The following PTPA variants were observed in gnomAD, a reference collection of about 807,000 sequenced individuals.
The protein encoded by PTPA is serine/threonine-protein phosphatase 2A activator.
A neutral mutation model predicts 43.6 loss-of-function variants in PTPA; 13 were observed. The observed-to-expected ratio is 0.30, with a 90% confidence interval of 0.19 to 0.47. The LOEUF is 0.47. Ranked by LOEUF, PTPA falls within the 20% of genes least tolerant of loss-of-function variation. PTPA has a pLI of 0.99. For synonymous variants in PTPA, 172 were observed against 158.2 expected, an observed-to-expected ratio of 1.09 and a Z score of -0.66; for missense variants, 329 against 411.9, an observed-to-expected ratio of 0.80 and a Z score of 1.74.
intron 9 of PTPA, among the ~76,000 whole-genome samples, chr9:129,146,805 CG>C (rs1443902718): frequency 3.3e-5 from 5 of 152,208 alleles, no homozygotes; most frequent in East Asian, 3.9e-4. Context: ...GGGCCTCCCC[CG>C]TGCTCAGCCA....
At chr9:129,115,432 C>T (rs1441620558) in intron 1 of PTPA, among the ~76,000 whole-genome samples, 1 of 152,094 alleles carries the variant, frequency 6.6e-6, no homozygotes, top group Non-Finnish European at 1.5e-5. Flanking sequence ...CTCCAAGTCC[C>T]CTGGCACTTT....
chr9:129,142,688 C>T (rs1278889462), intron 9 of PTPA, 136 bp downstream of exon 9: 2 of 1,546,322 alleles, frequency 1.3e-6, no homozygotes, highest in Non-Finnish European at 1.7e-6. Context: ...TAGGCCAGCC[C>T]CTCTGACACT....
chr9:129,137,354 G>T (rs1157494654), intron 7 of PTPA, among the ~76,000 whole-genome samples: 5 of 152,250 alleles, frequency 3.3e-5, no homozygotes, highest in African/African-American at 1.2e-4. Context: ...CTTGTCCCCA[G>T]TGTCCAGGTG....
chr9:129,135,413 CATA>C (rs958211867), intron 6 of PTPA, among the ~76,000 whole-genome samples: 30 of 152,192 alleles, frequency 2.0e-4, no homozygotes, highest in African/African-American at 6.3e-4. Flanking sequence ...AGAATTGTCA[CATA>C]ATGTCTGCCA....
chr9:129,144,607 C>T (rs1007445980), intron 9 of PTPA, among the ~76,000 whole-genome samples: 1 of 151,560 alleles, frequency 6.6e-6, no homozygotes, highest in Non-Finnish European at 1.5e-5. Context: ...GGCGTGGTGG[C>T]GGGTGCCTGT....
Position 129,147,815 on chromosome 9 carries a change from CA to C in PTPA, c.*352del. On this transcript the variant is annotated 3_prime_UTR_variant, in exon 10 of 10. Transcript: ENST00000393370. ...GAGCAGGGGCTGTTCTGCAGCACCG[CA>C]GGGAAGGGAGGAGAGATACCTGCTG... The C allele has an allele frequency of 3.7e-6, 1 of 269,116 alleles. No individual in the cohort carries two copies. The highest frequency in any genetic ancestry group is 7.3e-6 in the Non-Finnish European group (1 of 137,018). 16.7% of individuals were successfully genotyped at this position (269,116 alleles called of 1,614,324 possible).
intron 3 of PTPA, 47 bp downstream of exon 3, chr9:129,123,185 CCA>C: frequency 6.6e-7 from 1 of 1,507,306 alleles, no homozygotes; most frequent in Non-Finnish European, 9.2e-7. Context: ...AAAAATAGCT[CCA>C]GAGTCACTGG....
chr9:129,120,464 A>G (rs1156262795), intron 1 of PTPA, 49 bp from the exon 2 acceptor site: 2 of 1,167,786 alleles, frequency 1.7e-6, no homozygotes, highest in South Asian at 1.3e-5. Context: ...TGTGTGTTGT[A>G]GGGGAGGATT....
chr9:129,132,129 A>AGGGACCTGGACTTTGAGG (rs1850018993), intron 5 of PTPA, among the ~76,000 whole-genome samples: 1 of 151,972 alleles, frequency 6.6e-6, no homozygotes, highest in South Asian at 2.1e-4. Context: ...ATGTAAGCCA[A>AGGGACCTGGACTTTGAGG]GGGACCTGGA....
chr9:129,123,467 G>C lies in PTPA; in HGVS notation c.216+329G>C, dbSNP rs1849389325. 1.4e-5 allele frequency among the ~76,000 whole-genome samples: 2 copies of C among 144,092 alleles called. 1 individual carries two copies. The highest frequency in any genetic ancestry group is 4.2e-4 in the South Asian group (2 of 4,752). The allele number at this position is 144,092 out of a possible 152,430, so 94.5% of individuals were successfully genotyped here. A position where few individuals can be genotyped will look rare whatever the true frequency, so the allele number is the denominator to read the frequency against. On this transcript the variant is annotated intron_variant, in intron 3 of 9. Transcript: ENST00000393370. ...AGCCTGGGCGACAGAGCGAGACTCT[G>C]TCTCAAAAAAAAAAAATAGCTCCAG... is the stretch of plus-strand genomic sequence containing the variant.
upstream of PTPA, chr9:129,111,115 C>T (rs1013008513): frequency 4.5e-6 from 6 of 1,330,068 alleles, no homozygotes; most frequent in African/African-American, 1.5e-5. Flanking sequence ...CCATGTTGAC[C>T]GGGGAATGTC....
intron 5 of PTPA, among the ~76,000 whole-genome samples, chr9:129,133,957 AT>A (rs1333802112): frequency 1.3e-5 from 2 of 152,146 alleles, no homozygotes; most frequent in Non-Finnish European, 2.9e-5. Flanking sequence ...CATCTTTCAG[AT>A]TTCAGATTAG....
At position 129,134,862 on chromosome 9, in the gene PTPA, C is replaced by T. The variant is rs1397480004; in HGVS notation, c.528C>T (p.Asp176=). 22 of 1,613,758 alleles carry T rather than the reference C, an allele frequency of 1.4e-5. No individual in the cohort carries two copies. Among genetic ancestry groups the T allele is most frequent in the Non-Finnish European group, 1.8e-5 (21 of 1,180,002 alleles). The change falls in exon 6 of 10, where the codon GAC becomes GAT. Residue 176 remains aspartate (D), a synonymous_variant. Coordinates refer to ENST00000393370, the MANE Select transcript of PTPA (RefSeq NM_178000.3). ...AGATTGGGGTGCTCCGGGTGGATGA[C>T]CAAATAGCTATTGTCTTCAAGGTGT... ...LCKIGVLRVD[D]QIAIVFKVFN...
At chr9:129,137,948 G>C in intron 8 of PTPA, 1 of 489,644 alleles carries the variant, frequency 2.0e-6, no homozygotes, top group Non-Finnish European at 3.8e-6. Context: ...TCTAAGACTT[G>C]GTCACTAACT....
chr9:129,138,308 T>C (rs886748158), intron 8 of PTPA, among the ~76,000 whole-genome samples: 1 of 152,196 alleles, frequency 6.6e-6, no homozygotes, highest in Non-Finnish European at 1.5e-5. Flanking sequence ...CAGTGGGCCC[T>C]GGACCACTTG....
chr9:129,134,840 T>C lies in PTPA; in HGVS notation c.506T>C (p.Ile169Thr), dbSNP rs367853259. Residue 169 changes from isoleucine to threonine, a missense_variant, in exon 6 of 10, where the codon ATT becomes ACT. Ile to Thr is a moderately conservative substitution (Grantham distance 89, BLOSUM62 -1). Coordinates refer to ENST00000393370, the MANE Select transcript of PTPA (RefSeq NM_178000.3). ...GCTTTCCTCTGCTGTCTCTGCAAGA[T>C]TGGGGTGCTCCGGGTGGATGACCAA... ...FAAFLCCLCK[I>T]GVLRVDDQIA... 2 of 1,614,022 alleles carry C rather than the reference T, an allele frequency of 1.2e-6. No homozygotes were observed. Among genetic ancestry groups the C allele is most frequent in the African/African-American group, 1.3e-5 (1 of 74,922 alleles).
rs200340392 is a variant in PTPA, at chr9:129,129,094, A to G, written c.326A>G (p.Tyr109Cys). The change falls in exon 4 of 10, where the codon TAT (tyrosine) becomes TGT (cysteine). Residue 109 changes from tyrosine (Y) to cysteine (C), a missense_variant. Physicochemically the swap from Tyr to Cys is radical, Grantham distance 194. Transcript: ENST00000393370. Reference sequence around the variant, plus strand: ...GGGAATAAGGCATACAGGACCTGGTATGCCAAACTTGATGAGGTGAGGCTG... The same window carrying G: ...GGGAATAAGGCATACAGGACCTGGTGTGCCAAACTTGATGAGGTGAGGCTG... Reference protein sequence around the residue: ...RFGNKAYRTWYAKLDEEAENL... With the variant: ...RFGNKAYRTWCAKLDEEAENL... The G allele has an allele frequency of 3.1e-4, 506 of 1,612,380 alleles. 5 individuals carry two copies. Among genetic ancestry groups the G allele is most frequent in the Middle Eastern group, 2.2e-3 (10 of 4,606 alleles).
At chr9:129,120,366 T>C (rs1162960637) in intron 1 of PTPA, 147 bp from the exon 2 acceptor site, 28 of 581,946 alleles carry the variant, frequency 4.8e-5, no homozygotes, top group African/African-American at 5.8e-5. Context: ...GGAGGTTGCA[T>C]TGAGCCAAGA....
Position 129,130,465 on chromosome 9 carries a change from C to T in PTPA, c.343-1057C>T, listed in dbSNP as rs191219035. The stretch of plus-strand genomic sequence containing the variant: ...CTGGAGTGCAGTGGCATGATCTCAG[C>T]TCCCTGCAGCCTTGACCTCCTGGGC... On this transcript the variant is annotated intron_variant, in intron 4 of 9. Coordinates refer to ENST00000393370, the MANE Select transcript of PTPA (RefSeq NM_178000.3). 3.5e-3 allele frequency among the ~76,000 whole-genome samples: 523 copies of T among 150,966 alleles called. 2 individuals are homozygous for T. Among genetic ancestry groups the T allele is most frequent in the Middle Eastern group, 0.01 (3 of 292 alleles).
Sources: gnomAD v4.1 joint callset for allele counts (sites outside exome capture counted in the v4.1 genomes callset) on GRCh38, gnomAD v4.1.1 for gene constraint, MANE v1.5 for transcripts, NCBI Gene and HGNC (gene_info 2026-07-23, HGNC 2026-07-21) for gene names.